Variants in MAGI2 observed in about 807,000 individuals in gnomAD.
The protein encoded by MAGI2 is membrane associated guanylate kinase, WW and PDZ domain containing 2.
Under a neutral mutation model 133.3 loss-of-function variants are expected in MAGI2, and 35 were observed. That is an observed-to-expected ratio of 0.26 (90% CI 0.20 to 0.35). MAGI2 has a LOEUF of 0.35. Among genes scored for constraint, MAGI2 ranks in the 10% least tolerant of loss-of-function variants. The probability of loss-of-function intolerance (pLI) is 1.00; values close to 1 mark genes in which losing one functional copy is unlikely to be tolerated. For missense variants in MAGI2, 1,636 were observed against 1,863.4 expected (o/e 0.88, Z 2.25); for synonymous variants, 729 against 710.6 (o/e 1.03, Z -0.41).
intron 2 of MAGI2, among the ~76,000 whole-genome samples, chr7:78,896,524 G>T (rs990269151): frequency 6.8e-6 from 1 of 147,782 alleles, no homozygotes; most frequent in Admixed American, 6.8e-5. Context: ...TCCTCTAAAT[G>T]GGATATATAT....
At chr7:78,806,267 T>C (rs1175286124) in intron 2 of MAGI2, among the ~76,000 whole-genome samples, 1 of 152,180 alleles carries the variant, frequency 6.6e-6, no homozygotes, top group Admixed American at 6.5e-5. Context: ...GGACTGTAGC[T>C]TCTTCATAGA....
chr7:78,233,299 A>G (rs1355808965), intron 10 of MAGI2, among the ~76,000 whole-genome samples: 1 of 152,174 alleles, frequency 6.6e-6, no homozygotes, highest in Non-Finnish European at 1.5e-5. Context: ...GGAGTCTGAA[A>G]AGAAGCAGAG....
Position 78,185,652 on chromosome 7 carries a change from G to T in MAGI2, c.2288C>A (p.Thr763Asn). ...YESRQQVPPRTSFRMDSSGPD... is the reference protein window; with the variant it reads ...YESRQQVPPRNSFRMDSSGPD... ...GCCAGAGGAATCCATTCGAAAACTG[G>T]TCCTGGGTGGCACTTGTTCTGGATG... is the stretch of plus-strand genomic sequence containing the variant. The change falls in exon 13 of 22, where the codon ACC becomes AAC. Residue 763 changes from threonine to asparagine, a missense_variant. By Grantham distance (65) the Thr-to-Asn change is moderately conservative. Around this residue, in one of 5 missense-constraint regions of MAGI2, gnomAD observed 920 missense variants for 1,093.5 expected, o/e 0.84. Transcript: ENST00000354212. The T allele has an allele frequency of 6.3e-7, 1 of 1,588,790 alleles. No homozygotes were observed. The highest frequency in any genetic ancestry group is 8.6e-7 in the Non-Finnish European group (1 of 1,162,618).
chr7:79,057,414 T>G (rs966436655), intron 1 of MAGI2, among the ~76,000 whole-genome samples: 3 of 152,206 alleles, frequency 2.0e-5, no homozygotes, highest in Admixed American at 6.5e-5. Context: ...AAATCTAGAT[T>G]AATGTACAAA....
chr7:79,168,920 A>G (rs1825240242), intron 1 of MAGI2, among the ~76,000 whole-genome samples: 1 of 49,786 alleles, frequency 2.0e-5, no homozygotes, highest in Non-Finnish European at 4.9e-5. Context: ...ATATATATAT[A>G]TATATATATA....
chr7:78,478,374 A>C lies in MAGI2; in HGVS notation c.1045+11387T>G, dbSNP rs539757819. The stretch of plus-strand genomic sequence containing the variant: ...CGTCTTGTGGTATTAAATGGTGGAC[A>C]CACATTGATATCCATTTTAAACTCA... On this transcript the variant is annotated intron_variant, in intron 6 of 21. Coordinates refer to ENST00000354212, the MANE Select transcript of MAGI2 (RefSeq NM_012301.4). Among the ~76,000 whole-genome samples the C allele has an allele frequency of 8.6e-4, 130 of 152,028 alleles. 1 individual carries two copies. The highest frequency in any genetic ancestry group is 3.0e-3 in the African/African-American group (125 of 41,502).
Position 78,078,775 on chromosome 7 carries a change from CGTGTGTGTGTGTATGTGT to C in MAGI2, c.3706+154_3706+171del, listed in dbSNP as rs1815632654. The C allele has an allele frequency of 1.0e-5, 6 of 594,208 alleles. No homozygotes were observed. The South Asian group carries it at 1.3e-4, about 13-fold the overall frequency. The allele number at this position is 594,208 out of a possible 1,614,324, so 36.8% of individuals were successfully genotyped here. On this transcript the variant is annotated intron_variant, in intron 21 of 21. Transcript: ENST00000354212. ...CATTTATTTCCTGGGCATAAACATA[CGTGTGTGTGTGTATGTGT>C]GTGTGTGTGTGTGTGTGTGTATATA...
At chr7:78,083,390 GAGA>G (rs1563098830) in intron 20 of MAGI2, among the ~76,000 whole-genome samples, 41 of 17,208 alleles carry the variant, frequency 2.4e-3, no homozygotes, top group Non-Finnish European at 4.6e-3. Context: ...GAGGGGGGGA[GAGA>G]GAGAGAGAGA....
intron 1 of MAGI2, among the ~76,000 whole-genome samples, chr7:79,170,771 C>A (rs1430637185): frequency 6.6e-6 from 1 of 151,978 alleles, no homozygotes. Context: ...GTCAGCAGGT[C>A]AGCTGGGATA....
intron 3 of MAGI2, among the ~76,000 whole-genome samples, chr7:78,538,951 T>A (rs1055998039): frequency 6.6e-6 from 1 of 152,240 alleles, no homozygotes; most frequent in Non-Finnish European, 1.5e-5. Context: ...ACATTGAATA[T>A]AAGTGGCCTA....
At chr7:78,926,840 T>C (rs1014101122) in intron 2 of MAGI2, among the ~76,000 whole-genome samples, 42 of 151,752 alleles carry the variant, frequency 2.8e-4, no homozygotes, top group Admixed American at 2.7e-3. Flanking sequence ...TTTTTTTTTT[T>C]CCTTTTGCAA....
At chr7:79,215,122 A>T (rs2129553046) in intron 1 of MAGI2, among the ~76,000 whole-genome samples, 1 of 151,928 alleles carries the variant, frequency 6.6e-6, no homozygotes, top group South Asian at 2.1e-4. Flanking sequence ...GACATCAGAT[A>T]TGCCTCATTA....
chr7:78,464,512 G>A (rs781401248), intron 6 of MAGI2, among the ~76,000 whole-genome samples: 1 of 151,918 alleles, frequency 6.6e-6, no homozygotes, highest in Non-Finnish European at 1.5e-5. Flanking sequence ...CATTCTGGGG[G>A]TTTTCTCCAG....
intron 9 of MAGI2, among the ~76,000 whole-genome samples, chr7:78,333,910 T>C (rs574793775): frequency 1.3e-5 from 2 of 152,242 alleles, no homozygotes; most frequent in Admixed American, 1.3e-4. Flanking sequence ...ATCACTTGAG[T>C]TTGGCATAGT....
intron 2 of MAGI2, among the ~76,000 whole-genome samples, chr7:78,760,416 G>A (rs1373619799): frequency 1.4e-5 from 2 of 144,474 alleles, no homozygotes; most frequent in African/African-American, 5.2e-5. Context: ...AGGCTGGAGT[G>A]CAATGGTGTG....
At chr7:78,975,534 G>A (rs1804169635) in intron 2 of MAGI2, among the ~76,000 whole-genome samples, 1 of 151,626 alleles carries the variant, frequency 6.6e-6, no homozygotes, top group Non-Finnish European at 1.5e-5. Flanking sequence ...GTAGTACTTA[G>A]AGGGAAATTT....
intron 1 of MAGI2, among the ~76,000 whole-genome samples, chr7:79,256,148 T>C (rs935519731): frequency 5.3e-5 from 8 of 152,206 alleles, no homozygotes; most frequent in Non-Finnish European, 1.2e-4. Flanking sequence ...AATGCTCCCA[T>C]TTATACTACT....
intron 6 of MAGI2, among the ~76,000 whole-genome samples, chr7:78,380,048 T>A (rs1794779556): frequency 6.6e-6 from 1 of 151,624 alleles, no homozygotes; most frequent in Non-Finnish European, 1.5e-5. Context: ...CAGAAGAAAT[T>A]TTATAATATA....
intron 1 of MAGI2, among the ~76,000 whole-genome samples, chr7:79,220,101 T>C (rs1279915906): frequency 6.6e-6 from 1 of 152,052 alleles, no homozygotes; most frequent in African/African-American, 2.4e-5. Context: ...GAAAGGAGAA[T>C]TCAGTGGCAC....
Sources: allele counts gnomAD v4.1 joint callset (sites outside exome capture counted in the v4.1 genomes callset), GRCh38; gene constraint gnomAD v4.1.1; regional missense constraint gnomAD v4.1.1; transcripts MANE v1.5; gene names NCBI Gene and HGNC (gene_info 2026-07-23, HGNC 2026-07-21).